Variants in WDPCP observed in about 807,000 individuals in gnomAD.
WDPCP encodes the protein WD repeat containing planar cell polarity effector.
Under a neutral mutation model 93.1 loss-of-function variants are expected in WDPCP, and 71 were observed. The ratio of observed to expected loss-of-function variants is 0.76; its 90% CI spans 0.63 to 0.93. WDPCP has a LOEUF of 0.93. WDPCP is among the 40% of genes least tolerant of loss of function. WDPCP has a pLI of 0.00. For synonymous variants in WDPCP, 315 were observed against 315.0 expected, an observed-to-expected ratio of 1.00 and a Z score of 0.00; for missense variants, 844 against 887.4, an observed-to-expected ratio of 0.95 and a Z score of 0.62.
chr2:63,398,570 C>T (rs985124560), intron 10 of WDPCP, among the ~76,000 whole-genome samples: 3 of 152,124 alleles, frequency 2.0e-5, no homozygotes, highest in Non-Finnish European at 4.4e-5. Context: ...GAGCAATGTT[C>T]CTTCAACATT....
At chr2:63,142,399 C>A (rs190504114) in intron 17 of WDPCP, among the ~76,000 whole-genome samples, 1 of 152,296 alleles carries the variant, frequency 6.6e-6, no homozygotes, top group Admixed American at 6.5e-5. Context: ...TGACTCAATG[C>A]TCATTCAGGA....
intron 13 of WDPCP, among the ~76,000 whole-genome samples, chr2:63,287,942 A>G (rs1297140431): frequency 6.6e-6 from 1 of 152,244 alleles, no homozygotes; most frequent in East Asian, 1.9e-4. Flanking sequence ...GTCTTGTTTC[A>G]GAAGTTAGCA....
chr2:63,814,895 T>C (rs903316880), intron 1 of WDPCP, among the ~76,000 whole-genome samples: 3 of 152,146 alleles, frequency 2.0e-5, no homozygotes, highest in Non-Finnish European at 4.4e-5. Flanking sequence ...ATTTCAGAGG[T>C]AGAACTATTA....
At chr2:63,328,681 C>A (rs944864195) in intron 12 of WDPCP, among the ~76,000 whole-genome samples, 1 of 152,170 alleles carries the variant, frequency 6.6e-6, no homozygotes, top group Non-Finnish European at 1.5e-5. Context: ...ACACTCAATG[C>A]CATAAACATA....
At chr2:63,372,594 A>G (rs74427611) in intron 12 of WDPCP, among the ~76,000 whole-genome samples, 2,353 of 152,274 alleles carry the variant, frequency 0.015, 62 homozygotes, top group African/African-American at 0.054. Flanking sequence ...CAAGATTTCA[A>G]TTATACAGTA....
At chr2:63,638,571 C>T (rs1709947019) in intron 3 of WDPCP, among the ~76,000 whole-genome samples, 1 of 152,048 alleles carries the variant, frequency 6.6e-6, no homozygotes, top group Non-Finnish European at 1.5e-5. Context: ...AGGAGGATTG[C>T]TTGAGGCCTG....
chr2:63,604,523 G>T (rs1709490888), intron 3 of WDPCP, among the ~76,000 whole-genome samples: 1 of 152,188 alleles, frequency 6.6e-6, no homozygotes, highest in Admixed American at 6.5e-5. Context: ...TTAAGCTGTT[G>T]TAGGAAATTG....
intron 13 of WDPCP, among the ~76,000 whole-genome samples, chr2:63,282,627 G>C (rs1683656541): frequency 6.6e-6 from 1 of 152,076 alleles, no homozygotes; most frequent in Non-Finnish European, 1.5e-5. Flanking sequence ...GGATCTCTCT[G>C]AATGTAATTT....
chr2:63,215,232 G>A (rs1677210963), intron 14 of WDPCP, among the ~76,000 whole-genome samples: 1 of 152,114 alleles, frequency 6.6e-6, no homozygotes, highest in African/African-American at 2.4e-5. Flanking sequence ...TACACTACAA[G>A]GCTACAGTAA....
intron 13 of WDPCP, among the ~76,000 whole-genome samples, chr2:63,288,007 T>G (rs568091745): frequency 6.6e-6 from 1 of 152,346 alleles, no homozygotes; most frequent in East Asian, 1.9e-4. Context: ...CTATGTCAAC[T>G]TGATCACCAA....
upstream of WDPCP, among the ~76,000 whole-genome samples, chr2:63,829,717 C>T (rs1671164607): frequency 6.6e-6 from 1 of 152,054 alleles, no homozygotes; most frequent in Non-Finnish European, 1.5e-5. Flanking sequence ...ATGGGTTACA[C>T]CAGTACTTTT....
intron 1 of WDPCP, among the ~76,000 whole-genome samples, chr2:63,532,683 T>C (rs987553621): frequency 6.6e-6 from 1 of 152,148 alleles, no homozygotes; most frequent in Non-Finnish European, 1.5e-5. Context: ...ACCACCAGGC[T>C]TGCCTTACAA....
intron 3 of WDPCP, among the ~76,000 whole-genome samples, chr2:63,645,474 T>C (rs1348280785): frequency 6.6e-6 from 1 of 152,232 alleles, no homozygotes; most frequent in Non-Finnish European, 1.5e-5. Context: ...GAATGTGTAT[T>C]CTGCAGCCAT....
chr2:63,485,833 A>C (rs1265708648), intron 4 of WDPCP, among the ~76,000 whole-genome samples: 3 of 151,830 alleles, frequency 2.0e-5, no homozygotes, highest in African/African-American at 7.2e-5. Context: ...ACATATACAT[A>C]GTATACATAG....
intron 10 of WDPCP, among the ~76,000 whole-genome samples, chr2:63,388,620 C>G (rs1692945767): frequency 6.6e-6 from 1 of 152,130 alleles, no homozygotes; most frequent in South Asian, 2.1e-4. Context: ...GGAGCATGTT[C>G]AAACCCATCA....
In WDPCP at chr2:63,437,513, G is replaced by A. The variant is rs749286148; in HGVS notation, c.541C>T (p.Gln181Ter). 4 of 1,596,432 alleles carry A rather than the reference G, an allele frequency of 2.5e-6. No homozygotes were observed. Residue 181 changes from glutamine (Q) to a stop codon, truncating the protein, a stop_gained, in exon 8 of 18, where the codon CAA (glutamine) becomes TAA (stop). Transcript: ENST00000272321. LOFTEE classifies it high-confidence loss of function. ...AACTGAATAAAACATAGTTTGTTTT[G>A]TGCCAAAAATGATAAGATGATAAAA... ...DSFIILSFLA[Q>*]NKLCFIQFTK...
At chr2:63,334,819 A>T (rs1004620532) in intron 12 of WDPCP, among the ~76,000 whole-genome samples, 1 of 68,760 alleles carries the variant, frequency 1.5e-5, no homozygotes, top group African/African-American at 9.5e-5. Context: ...TTTATTCCTA[A>T]ATAGGACAGA....
chr2:63,712,041 G>A (rs1423606781), intron 2 of WDPCP, among the ~76,000 whole-genome samples: 1 of 152,154 alleles, frequency 6.6e-6, no homozygotes, highest in Non-Finnish European at 1.5e-5. Context: ...AGTTCTTGGG[G>A]CTTTCACAAG....
At chr2:63,623,895 C>T (rs916399999) in intron 3 of WDPCP, among the ~76,000 whole-genome samples, 1 of 152,204 alleles carries the variant, frequency 6.6e-6, no homozygotes, top group African/African-American at 2.4e-5. Flanking sequence ...TTCTCAGCAC[C>T]ACATTGCACT....
Sources: allele counts gnomAD v4.1 joint callset (sites outside exome capture counted in the v4.1 genomes callset), GRCh38; gene constraint gnomAD v4.1.1; transcripts MANE v1.5; gene names NCBI Gene and HGNC (gene_info 2026-07-23, HGNC 2026-07-21).